Variants in NDUFAF6 observed in about 807,000 individuals in gnomAD.
NDUFAF6 encodes the protein NADH dehydrogenase (ubiquinone) complex I, assembly factor 6.
In NDUFAF6, 45 loss-of-function variants were observed where a neutral mutation model predicts 40.8. The ratio of observed to expected loss-of-function variants is 1.10; its 90% CI spans 0.87 to 1.42. The LOEUF is 1.42. Ranked by LOEUF, NDUFAF6 falls within the 40% of genes most tolerant of loss-of-function variation. NDUFAF6 has a pLI of 0.00. For missense variants in NDUFAF6, 435 were observed against 418.5 expected (o/e 1.04, Z -0.34); for synonymous variants, 185 against 155.9 (o/e 1.19, Z -1.39).
At chr8:94,942,080 T>A (rs186837238) in intron 1 of NDUFAF6, among the ~76,000 whole-genome samples, 181 of 151,970 alleles carry the variant, frequency 1.2e-3, no homozygotes, top group African/African-American at 4.2e-3. Context: ...TTGCCCAGGC[T>A]GGAGTGCATG....
At chr8:95,084,912 T>C (rs1489353136) in intron 2 of NDUFAF6, among the ~76,000 whole-genome samples, 2 of 152,216 alleles carry the variant, frequency 1.3e-5, no homozygotes, top group African/African-American at 2.4e-5. Context: ...AGGCATAGCA[T>C]ATGGACAGAG....
chr8:95,008,026 G>A (rs747354235), intron 2 of NDUFAF6, among the ~76,000 whole-genome samples: 2 of 152,066 alleles, frequency 1.3e-5, no homozygotes, highest in Non-Finnish European at 2.9e-5. Flanking sequence ...ACCCAGCCTT[G>A]AGTCTCAATT....
chr8:94,957,300 G>T (rs372395536), upstream of NDUFAF6, among the ~76,000 whole-genome samples: 1 of 152,190 alleles, frequency 6.6e-6, no homozygotes, highest in East Asian at 1.9e-4. Context: ...AGAGGAGGTG[G>T]GAGTGGTGAT....
intron 4 of NDUFAF6, among the ~76,000 whole-genome samples, chr8:95,043,069 A>G (rs1236809133): frequency 4.6e-5 from 7 of 150,940 alleles, no homozygotes; most frequent in Non-Finnish European, 8.9e-5. Context: ...AATGACTTTT[A>G]GGTTAGGCAG....
chr8:95,059,446 G>T (rs763969988), downstream of NDUFAF6, among the ~76,000 whole-genome samples: 19 of 152,218 alleles, frequency 1.2e-4, no homozygotes, highest in Admixed American at 2.0e-4. Context: ...AATGTGCAAT[G>T]TGGTTGTATA....
intron 1 of NDUFAF6, among the ~76,000 whole-genome samples, chr8:94,921,826 G>C (rs1819522635): frequency 6.6e-6 from 1 of 152,220 alleles, no homozygotes; most frequent in Non-Finnish European, 1.5e-5. Flanking sequence ...AATTGCCTCT[G>C]TGAAATAGGA....
At chr8:94,989,991 A>G (rs1826124146) in intron 2 of NDUFAF6, among the ~76,000 whole-genome samples, 1 of 152,174 alleles carries the variant, frequency 6.6e-6, no homozygotes, top group African/African-American at 2.4e-5. Flanking sequence ...TGGCTTCTCA[A>G]AGTGCTGGGA....
chr8:95,110,296 T>A (rs1587286363), intron 4 of NDUFAF6, among the ~76,000 whole-genome samples: 1 of 152,356 alleles, frequency 6.6e-6, no homozygotes, highest in African/African-American at 2.4e-5. Flanking sequence ...ACCCAGCAAC[T>A]GTCAAGATGC....
intron 2 of NDUFAF6, among the ~76,000 whole-genome samples, chr8:94,993,472 G>A (rs946286567): frequency 5.9e-5 from 9 of 152,192 alleles, no homozygotes; most frequent in Non-Finnish European, 1.5e-5. Flanking sequence ...GAATGTGGCA[G>A]AAGTGATGTT....
chr8:95,067,505 C>G (rs1439122125), intron 9 of NDUFAF6: 1 of 151,918 alleles, frequency 6.6e-6, no homozygotes, highest in East Asian at 1.9e-4. Flanking sequence ...TTGGTGAAAC[C>G]AGTTTTAGCT....
At chr8:94,997,207 C>A (rs969817626) in intron 2 of NDUFAF6, among the ~76,000 whole-genome samples, 2 of 151,706 alleles carry the variant, frequency 1.3e-5, no homozygotes, top group Non-Finnish European at 2.9e-5. Flanking sequence ...TTCCGGCTGG[C>A]TTGTGCAGCC....
intron 3 of NDUFAF6, 48 bp downstream of exon 3, chr8:95,035,624 G>A: frequency 6.4e-7 from 1 of 1,568,974 alleles, no homozygotes; most frequent in Non-Finnish European, 8.7e-7. Flanking sequence ...TATTATTCGA[G>A]TCTACTTTTT....
At chr8:94,932,229 C>T (rs546491055) in intron 1 of NDUFAF6, 569 of 969,244 alleles carry the variant, frequency 5.9e-4, no homozygotes, top group Non-Finnish European at 7.1e-4. Context: ...ATTAAAGGCA[C>T]GTACATGTGC....
intron 1 of NDUFAF6, among the ~76,000 whole-genome samples, chr8:94,959,874 T>C (rs978840824): frequency 6.6e-6 from 1 of 151,968 alleles, no homozygotes; most frequent in Non-Finnish European, 1.5e-5. Context: ...TGGCTTTGGG[T>C]CCCCCCCAGT....
At chr8:95,042,146 C>T (rs771640732) in intron 4 of NDUFAF6, among the ~76,000 whole-genome samples, 1 of 152,100 alleles carries the variant, frequency 6.6e-6, no homozygotes, top group Non-Finnish European at 1.5e-5. Flanking sequence ...TAGTAGAGGG[C>T]ATAAAGAAAG....
At chr8:94,921,757 A>G (rs560439533) in intron 1 of NDUFAF6, among the ~76,000 whole-genome samples, 1 of 152,324 alleles carries the variant, frequency 6.6e-6, no homozygotes, top group South Asian at 2.1e-4. Flanking sequence ...ATGATGGCTG[A>G]AATATGGGAA....
chr8:94,992,084 C>T (rs556656751), intron 2 of NDUFAF6, among the ~76,000 whole-genome samples: 1 of 152,232 alleles, frequency 6.6e-6, no homozygotes, highest in South Asian at 2.1e-4. Context: ...AGGGGTTGTG[C>T]CATTTTGTAC....
chr8:95,046,241 A>G (rs1297222075), intron 5 of NDUFAF6, among the ~76,000 whole-genome samples: 1 of 151,994 alleles, frequency 6.6e-6, no homozygotes, highest in Non-Finnish European at 1.5e-5. Context: ...TTGTACTTTT[A>G]GTAGAGACGA....
At chr8:95,016,923 C>T (rs1827475310) in intron 2 of NDUFAF6, among the ~76,000 whole-genome samples, 1 of 141,732 alleles carries the variant, frequency 7.1e-6, no homozygotes, top group Admixed American at 7.6e-5. Context: ...CTTCTTCCTC[C>T]TCCTCCTCTT....
Sources: allele counts gnomAD v4.1 joint callset (sites outside exome capture counted in the v4.1 genomes callset), GRCh38; gene constraint gnomAD v4.1.1; transcripts MANE v1.5; gene names NCBI Gene and HGNC (gene_info 2026-07-23, HGNC 2026-07-21).